The following SNTG2 variants were observed in gnomAD, a reference collection of about 807,000 sequenced individuals.
SNTG2 encodes syntrophin gamma 2, also known as gamma-2-syntrophin.
In SNTG2, 74 loss-of-function variants were observed where a neutral mutation model predicts 70.9. The ratio of observed to expected loss-of-function variants is 1.04; its 90% confidence interval spans 0.86 to 1.27. The LOEUF is 1.27. Ranked by LOEUF, SNTG2 falls within the 50% of genes most tolerant of loss-of-function variation. SNTG2 has a pLI of 0.00. For missense variants in SNTG2, 717 were observed against 690.7 expected (o/e 1.04, Z -0.43); for synonymous variants, 278 against 273.8 (o/e 1.02, Z -0.15).
chr2:981,229 TCTC>T (rs780140038), intron 1 of SNTG2, among the ~76,000 whole-genome samples: 1 of 152,212 alleles, frequency 6.6e-6, no homozygotes, highest in African/African-American at 2.4e-5. Context: ...AGCTGCCTGT[TCTC>T]CTCAAGGCTC....
intron 4 of SNTG2, chr2:1,103,315 A>G (rs1558401896): frequency 4.1e-6 from 1 of 245,470 alleles, no homozygotes; most frequent in East Asian, 1.6e-4. Context: ...GACATTAAAT[A>G]TCAATCACAA....
At chr2:1,112,541 G>C (rs1666553197) in intron 4 of SNTG2, among the ~76,000 whole-genome samples, 1 of 151,482 alleles carries the variant, frequency 6.6e-6, no homozygotes, top group Non-Finnish European at 1.5e-5. Flanking sequence ...CTTTCAGAAA[G>C]ATCGTGTGTA....
chr2:1,221,995 GTCTCTGTCTC>G (rs1272302130), intron 9 of SNTG2, among the ~76,000 whole-genome samples: 1 of 2,120 alleles, frequency 4.7e-4, no homozygotes, highest in Non-Finnish European at 2.1e-3. Flanking sequence ...CTCTGTCTCT[GTCTCTGTCTC>G]TCTCTGTCTC....
At chr2:1,336,169 G>A (rs1659806510) in intron 16 of SNTG2, among the ~76,000 whole-genome samples, 1 of 152,148 alleles carries the variant, frequency 6.6e-6, no homozygotes, top group South Asian at 2.1e-4. Flanking sequence ...ATACCTACCA[G>A]TTTGGAGGTG....
At chr2:1,024,452 C>T (rs551636744) in intron 1 of SNTG2, among the ~76,000 whole-genome samples, 1 of 152,286 alleles carries the variant, frequency 6.6e-6, no homozygotes, top group South Asian at 2.1e-4. Context: ...TCACTGTAGC[C>T]TTGGCCACCT....
intron 1 of SNTG2, among the ~76,000 whole-genome samples, chr2:986,585 A>C (rs1234739870): frequency 1.3e-5 from 2 of 152,254 alleles, no homozygotes; most frequent in African/African-American, 2.4e-5. Flanking sequence ...AAGGATCGGC[A>C]TACCAGTGGC....
chr2:1,169,714 C>T (rs1023041139), intron 7 of SNTG2, among the ~76,000 whole-genome samples: 1 of 152,172 alleles, frequency 6.6e-6, no homozygotes, highest in African/African-American at 2.4e-5. Flanking sequence ...TTGCTGCCGG[C>T]ATCCTGAGCG....
chr2:1,096,101 C>T (rs11686452), intron 2 of SNTG2, among the ~76,000 whole-genome samples: 55,974 of 152,006 alleles, frequency 0.37, 10,718 homozygotes, highest in East Asian at 0.6. Flanking sequence ...AGGAGGAAAA[C>T]GGTATGCCTC....
intron 8 of SNTG2, among the ~76,000 whole-genome samples, chr2:1,204,593 A>G (rs189073777): frequency 6.6e-6 from 1 of 152,334 alleles, no homozygotes; most frequent in Non-Finnish European, 1.5e-5. Flanking sequence ...TTGTGCACAC[A>G]CTGCTCCATC....
At chr2:1,121,860 A>G (rs1334433456) in intron 4 of SNTG2, among the ~76,000 whole-genome samples, 4 of 152,212 alleles carry the variant, frequency 2.6e-5, no homozygotes, top group South Asian at 2.1e-4. Flanking sequence ...TTGGGTGGGA[A>G]CACAAAGCCT....
At chr2:1,139,047 A>AG (rs1171053801) in intron 6 of SNTG2, among the ~76,000 whole-genome samples, 3 of 152,238 alleles carry the variant, frequency 2.0e-5, no homozygotes, top group Non-Finnish European at 4.4e-5. Context: ...AACAAGGATC[A>AG]GCATATTTCT....
At chr2:1,133,481 T>C (rs1166799904) in intron 4 of SNTG2, among the ~76,000 whole-genome samples, 1 of 152,222 alleles carries the variant, frequency 6.6e-6, no homozygotes, top group Non-Finnish European at 1.5e-5. Context: ...GGAGTTTGAA[T>C]ATTTATATGG....
intron 1 of SNTG2, among the ~76,000 whole-genome samples, chr2:1,066,485 G>A (rs558809745): frequency 4.6e-5 from 7 of 152,060 alleles, no homozygotes; most frequent in Admixed American, 1.3e-4. Flanking sequence ...TGATTTTGCC[G>A]GGATTCAGAA....
intron 4 of SNTG2, among the ~76,000 whole-genome samples, chr2:1,134,197 C>T (rs1438616262): frequency 6.6e-6 from 1 of 152,126 alleles, no homozygotes; most frequent in East Asian, 1.9e-4. Context: ...GAGTGAGCAG[C>T]AGCAAATTTA....
At chr2:1,307,844 G>T (rs1463668709) in intron 14 of SNTG2, among the ~76,000 whole-genome samples, 1 of 152,250 alleles carries the variant, frequency 6.6e-6, no homozygotes, top group Non-Finnish European at 1.5e-5. Context: ...CAGGAGCAGA[G>T]AACCCAACCC....
At chr2:1,300,463 A>G (rs1247930548) in intron 14 of SNTG2, among the ~76,000 whole-genome samples, 5 of 152,118 alleles carry the variant, frequency 3.3e-5, no homozygotes. Flanking sequence ...GTGGGTCAGC[A>G]TTTCCCCCTG....
At chr2:1,005,935 T>A in intron 1 of SNTG2, among the ~76,000 whole-genome samples, 1 of 145,480 alleles carries the variant, frequency 6.9e-6, no homozygotes, top group African/African-American at 2.6e-5. Context: ...GATGAAAAAT[T>A]TTACATGCCA....
chr2:1,118,045 T>C (rs1053378735), intron 4 of SNTG2, among the ~76,000 whole-genome samples: 1 of 151,952 alleles, frequency 6.6e-6, no homozygotes, highest in Admixed American at 6.6e-5. Context: ...GCCCCCCAGG[T>C]CTGAACTGCC....
chr2:1,300,125 T>C (rs182942353), intron 14 of SNTG2, among the ~76,000 whole-genome samples: 1 of 137,114 alleles, frequency 7.3e-6, no homozygotes, highest in Non-Finnish European at 1.6e-5. Flanking sequence ...ATGCAAGAAG[T>C]GTGCCTCAAA....
Sources: gnomAD v4.1 joint callset for allele counts (sites outside exome capture counted in the v4.1 genomes callset) on GRCh38, gnomAD v4.1.1 for gene constraint, MANE v1.5 for transcripts, NCBI Gene and HGNC (gene_info 2026-07-23, HGNC 2026-07-21) for gene names.